Variants in SEMA6A observed in about 807,000 individuals in gnomAD.
SEMA6A encodes the protein semaphorin 6A.
A neutral mutation model predicts 96.8 loss-of-function variants in SEMA6A; 25 were observed. The ratio of observed to expected loss-of-function variants is 0.26; its 90% confidence interval spans 0.19 to 0.36. SEMA6A has a LOEUF of 0.36. SEMA6A is among the 10% of genes least tolerant of loss of function. The probability of loss-of-function intolerance (pLI) is 1.00; values close to 1 mark genes in which losing one functional copy is unlikely to be tolerated. For missense variants in SEMA6A, 1,363 were observed against 1,323.1 expected, an observed-to-expected ratio of 1.03 and a Z score of -0.47; for synonymous variants, 612 against 518.0, an observed-to-expected ratio of 1.18 and a Z score of -2.46.
At chr5:116,502,551 G>T in intron 2 of SEMA6A, 1 of 476,798 alleles carries the variant, frequency 2.1e-6, no homozygotes, top group Non-Finnish European at 3.7e-6. Context: ...TTATAAGCCT[G>T]GATTTATATT....
chr5:116,473,134 C>G, intron 16 of SEMA6A, 41 bp from the exon 17 acceptor site: 1 of 1,575,078 alleles, frequency 6.3e-7, no homozygotes, highest in Non-Finnish European at 8.6e-7. Flanking sequence ...TAATGTTTTA[C>G]GCTCTGCTTG....
intron 1 of SEMA6A, among the ~76,000 whole-genome samples, chr5:116,533,564 C>T (rs7734835): frequency 0.11 from 16,382 of 152,092 alleles, 1,343 homozygotes; most frequent in African/African-American, 0.23. Context: ...TTCTCTGGAG[C>T]GAGGCGGCAC....
chr5:116,566,046 A>G (rs1421994628), intron 1 of SEMA6A, among the ~76,000 whole-genome samples: 2 of 152,154 alleles, frequency 1.3e-5, no homozygotes, highest in Non-Finnish European at 2.9e-5. Context: ...TGTCTGTAAA[A>G]CCCTCATAGA....
chr5:116,568,608 GCT>G (rs1246866053), intron 1 of SEMA6A, among the ~76,000 whole-genome samples: 1 of 152,196 alleles, frequency 6.6e-6, no homozygotes, highest in East Asian at 1.9e-4. Context: ...TGTCTTCTTA[GCT>G]CTGTTTCTTG....
intron 1 of SEMA6A, among the ~76,000 whole-genome samples, chr5:116,551,242 G>A (rs1220264135): frequency 1.3e-5 from 2 of 150,306 alleles, no homozygotes; most frequent in East Asian, 4.0e-4. Flanking sequence ...GTGTCAAAAT[G>A]GATAACGTAG....
intron 10 of SEMA6A, among the ~76,000 whole-genome samples, chr5:116,484,125 T>C (rs1756925229): frequency 1.3e-5 from 2 of 151,990 alleles, no homozygotes; most frequent in Middle Eastern, 3.4e-3. Flanking sequence ...TCAGAACCTT[T>C]GCATTATTTA....
Position 116,509,517 on chromosome 5 carries a change from A to G in SEMA6A, c.-38-4535T>C, listed in dbSNP as rs140081878. Among the ~76,000 whole-genome samples, 270 of 152,258 alleles carry G rather than the reference A, an allele frequency of 1.8e-3. 4 individuals carry two copies. The South Asian group carries it at 0.028, about 16-fold the overall frequency. On this transcript the variant is annotated intron_variant, in intron 1 of 18. Coordinates refer to ENST00000343348, the MANE Select transcript of SEMA6A (RefSeq NM_020796.5). Reference sequence around the variant, plus strand: ...CTCACCTGTAAAATGAAAGGATATGAAATGTAATAGTCTATAAGATTCCTC... The same window carrying G: ...CTCACCTGTAAAATGAAAGGATATGGAATGTAATAGTCTATAAGATTCCTC...
intron 10 of SEMA6A, among the ~76,000 whole-genome samples, chr5:116,485,660 T>G (rs1343068313): frequency 6.6e-6 from 1 of 152,214 alleles, no homozygotes; most frequent in Non-Finnish European, 1.5e-5. Context: ...GTTTTATCAT[T>G]TTGGTGCCTG....
At chr5:116,510,802 C>T (rs550588140) in intron 1 of SEMA6A, among the ~76,000 whole-genome samples, 3 of 152,212 alleles carry the variant, frequency 2.0e-5, no homozygotes, top group African/African-American at 7.2e-5. Flanking sequence ...GGGAGTCACA[C>T]AAACATGGTG....
intron 1 of SEMA6A, among the ~76,000 whole-genome samples, chr5:116,521,723 C>T (rs1277052572): frequency 1.3e-5 from 2 of 151,920 alleles, no homozygotes; most frequent in East Asian, 1.9e-4. Flanking sequence ...GATGTCTCGG[C>T]GTAAAACAGA....
At chr5:116,515,552 A>G (rs1758630355) in intron 1 of SEMA6A, among the ~76,000 whole-genome samples, 1 of 152,236 alleles carries the variant, frequency 6.6e-6, no homozygotes, top group African/African-American at 2.4e-5. Context: ...AGTGACTTTA[A>G]AGGAGCAAAC....
chr5:116,524,441 A>T (rs995122580), intron 1 of SEMA6A, among the ~76,000 whole-genome samples: 4 of 152,234 alleles, frequency 2.6e-5, no homozygotes, highest in Non-Finnish European at 5.9e-5. Flanking sequence ...TTTCCAATTA[A>T]AGCAGCATGG....
At chr5:116,564,450 T>C (rs1336941597) in intron 1 of SEMA6A, among the ~76,000 whole-genome samples, 2 of 152,226 alleles carry the variant, frequency 1.3e-5, no homozygotes, top group Non-Finnish European at 2.9e-5. Context: ...TGGCTTAGAC[T>C]GGTAGGAGTC....
chr5:116,444,682 A>T lies in SEMA6A; in HGVS notation c.*1931T>A, dbSNP rs1337183465. 3 of 152,036 alleles carry T rather than the reference A, an allele frequency of 2.0e-5. No homozygotes were observed. The highest frequency in any genetic ancestry group is 4.4e-5 in the Non-Finnish European group (3 of 68,048). 9.4% of individuals were successfully genotyped at this position (152,036 alleles called of 1,614,324 possible). A position where few individuals can be genotyped will look rare whatever the true frequency, so the allele number is the denominator to read the frequency against. ...TAACAAAATAAAAAATAAAATAAAA[A>T]ATCCTTTGCCCCAGTCAACGTTTTT... is the stretch of plus-strand genomic sequence containing the variant. On this transcript the variant is annotated 3_prime_UTR_variant, in exon 19 of 19. Coordinates refer to ENST00000343348, the MANE Select transcript of SEMA6A (RefSeq NM_020796.5).
intron 1 of SEMA6A, among the ~76,000 whole-genome samples, chr5:116,552,299 A>G (rs1210069949): frequency 6.6e-6 from 1 of 152,118 alleles, no homozygotes; most frequent in Non-Finnish European, 1.5e-5. Flanking sequence ...TACAAAGAAC[A>G]ATATTTGGGT....
intron 6 of SEMA6A, among the ~76,000 whole-genome samples, chr5:116,493,581 T>C (rs1470199586): frequency 6.6e-6 from 1 of 152,200 alleles, no homozygotes; most frequent in African/African-American, 2.4e-5. Flanking sequence ...CTGAGCCACA[T>C]GCCTCACTTG....
rs1761373376 is a variant in SEMA6A, at chr5:116,574,341, C to G, written c.-195G>C. 1 of 151,992 alleles carries G rather than the reference C, an allele frequency of 6.6e-6. No homozygotes were observed. 9.4% of individuals were successfully genotyped at this position (151,992 alleles called of 1,614,324 possible). The stretch of plus-strand genomic sequence containing the variant: ...GTCATTCCTACATGTGTGCTTGTCT[C>G]TTTGGGGGAAATAGTCGCGGCGACT... On this transcript the variant is annotated 5_prime_UTR_variant, in exon 1 of 19. Coordinates refer to ENST00000343348, the MANE Select transcript of SEMA6A (RefSeq NM_020796.5).
chr5:116,459,197 A>G (rs1411674786), intron 18 of SEMA6A, among the ~76,000 whole-genome samples: 3 of 152,208 alleles, frequency 2.0e-5, no homozygotes, highest in Admixed American at 2.0e-4. Flanking sequence ...ATAGAGCTAG[A>G]TAGGCAAGAA....
chr5:116,472,432 C>T (rs1269440350), intron 17 of SEMA6A: 1 of 153,262 alleles, frequency 6.5e-6, no homozygotes, highest in Non-Finnish European at 1.5e-5. Context: ...AAAGTTTTGT[C>T]TAATAAGAGC....
Sources: allele counts gnomAD v4.1 joint callset (sites outside exome capture counted in the v4.1 genomes callset), GRCh38; gene constraint gnomAD v4.1.1; transcripts MANE v1.5; gene names NCBI Gene and HGNC (gene_info 2026-07-23, HGNC 2026-07-21).